The following ZNF831 variants were observed in gnomAD, a reference collection of about 807,000 sequenced individuals.
The protein encoded by ZNF831 is chromosome 20 open reading frame 174.
ZNF831 carries 59 observed loss-of-function variants against 95.8 expected under a neutral mutation model. That is an observed-to-expected ratio of 0.62 (90% CI 0.50 to 0.77). The LOEUF is 0.77. Ranked by LOEUF, ZNF831 falls within the 30% of genes least tolerant of loss-of-function variation. The probability of loss-of-function intolerance (pLI) is 0.00; values close to 1 mark genes in which losing one functional copy is unlikely to be tolerated. For missense variants in ZNF831, 2,205 were observed against 2,164.0 expected, an observed-to-expected ratio of 1.02 and a Z score of -0.38; for synonymous variants, 961 against 925.5, an observed-to-expected ratio of 1.04 and a Z score of -0.70.
chr20:59,155,912 G>A (rs1326637157), intron 2 of ZNF831, among the ~76,000 whole-genome samples: 2 of 151,970 alleles, frequency 1.3e-5, no homozygotes, highest in Non-Finnish European at 2.9e-5. Context: ...TCCACCCAAA[G>A]GTACATGATG....
At chr20:59,175,589 T>A (rs551618536) in intron 1 of ZNF831, among the ~76,000 whole-genome samples, 68 of 152,342 alleles carry the variant, frequency 4.5e-4, no homozygotes, top group African/African-American at 1.6e-3. Flanking sequence ...TCATTTCTAT[T>A]ATTTCCATGT....
chr20:59,254,315 G>T lies in ZNF831; in HGVS notation c.4606G>T (p.Glu1536Ter). 1 of 1,614,116 alleles carries T rather than the reference G, an allele frequency of 6.2e-7. No homozygotes were observed. Among genetic ancestry groups the T allele is most frequent in the Non-Finnish European group, 8.5e-7 (1 of 1,180,014 alleles). ...CTCCCCAGACAGCAAAGTCACAGAA[G>T]AGGGCAGAGCACAGACCCTCTTGCC... ...SSSPDSKVTEEGRAQTLLPGR... is the reference protein window; with the variant it reads ...SSSPDSKVTE Residue 1536 changes from glutamate (E) to a stop codon, truncating the protein, a stop_gained, in exon 6 of 6, where the codon GAG (glutamate) becomes TAG (stop). Transcript: ENST00000371030. LOFTEE classifies it low-confidence loss of function (END_TRUNC). The surrounding 1 kb of genome is among the most constrained non-coding windows in gnomAD (Gnocchi z 4.5).
chr20:59,192,345 G>T lies in ZNF831; in HGVS notation c.1326G>T (p.Leu442=). ...TGLSKQGSID[L]PTPYTYKDSF... Reference sequence around the variant, plus strand: ...TGTCCAAACAGGGCAGCATCGACCTGCCCACGCCCTACACCTACAAGGACT... The same window carrying T: ...TGTCCAAACAGGGCAGCATCGACCTTCCCACGCCCTACACCTACAAGGACT... The change falls in exon 2 of 6, where the codon CTG becomes CTT. Residue 442 remains leucine (L), a synonymous_variant. Coordinates refer to ENST00000371030, the MANE Select transcript of ZNF831 (RefSeq NM_178457.3). This position sits in a 1 kb window ranked among gnomAD's most constrained non-coding sequence, Gnocchi z 5.2. 1 of 1,609,062 alleles carries T rather than the reference G, an allele frequency of 6.2e-7. No individual in the cohort carries two copies. Among genetic ancestry groups the T allele is most frequent in the African/African-American group, 1.3e-5 (1 of 74,972 alleles).
chr20:59,253,237 C>T (rs1016597187), intron 5 of ZNF831, 99 bp downstream of exon 5: 7 of 1,343,688 alleles, frequency 5.2e-6, no homozygotes, highest in African/African-American at 2.9e-5. Flanking sequence ...AGAACTTGCT[C>T]GGATCACCTT....
intron 4 of ZNF831, among the ~76,000 whole-genome samples, chr20:59,226,669 C>T (rs1986451699): frequency 6.6e-6 from 1 of 150,498 alleles, no homozygotes; most frequent in East Asian, 1.9e-4. Flanking sequence ...TTGCCTCTGT[C>T]CCTTTAAATC....
chr20:59,149,655 T>A (rs1980105005), intron 2 of ZNF831, among the ~76,000 whole-genome samples: 2 of 152,224 alleles, frequency 1.3e-5, no homozygotes, highest in East Asian at 3.9e-4. Flanking sequence ...AGAGAGAGGC[T>A]GCAGAGCCCC....
At chr20:59,223,181 GA>G (rs1986211821) in intron 4 of ZNF831, among the ~76,000 whole-genome samples, 1 of 152,104 alleles carries the variant, frequency 6.6e-6, no homozygotes, top group African/African-American at 2.4e-5. Flanking sequence ...ACCAGGGTGA[GA>G]GATGGGGGTG....
rs750119062 is a variant in ZNF831 at position 59,253,030 on chromosome 20, T to G, written c.4080T>G (p.Cys1360Trp). The change falls in exon 5 of 6, where the codon TGT becomes TGG. Residue 1360 changes from cysteine (C) to tryptophan (W), a missense_variant. Transcript: ENST00000371030. The part of the protein sequence containing the change: ...PSCATSESPP[C>W]CGKEEKKEGD... Reference sequence around the variant, plus strand: ...GTGCCACCTCAGAATCACCTCCTTGTTGTGGGAAGGAAGAGAAGAAGGAAG... The same window carrying G: ...GTGCCACCTCAGAATCACCTCCTTGGTGTGGGAAGGAAGAGAAGAAGGAAG... 1 of 1,614,052 alleles carries G rather than the reference T, an allele frequency of 6.2e-7. No homozygotes were observed. Among genetic ancestry groups the G allele is most frequent in the Admixed American group, 1.7e-5 (1 of 60,020 alleles).
intron 2 of ZNF831, among the ~76,000 whole-genome samples, chr20:59,150,029 G>T (rs532778857): frequency 1.6e-4 from 25 of 152,366 alleles, no homozygotes; most frequent in African/African-American, 4.8e-4. Flanking sequence ...AGGAGCCCTA[G>T]AAACGGGCTC....
chr20:59,220,421 G>A (rs1367360913), intron 4 of ZNF831, among the ~76,000 whole-genome samples: 1 of 152,214 alleles, frequency 6.6e-6, no homozygotes, highest in Non-Finnish European at 1.5e-5. Flanking sequence ...AGATGAGCCT[G>A]TAGGATTAAT....
intron 1 of ZNF831, among the ~76,000 whole-genome samples, chr20:59,126,729 G>A (rs1979182937): frequency 6.6e-6 from 1 of 152,194 alleles, no homozygotes; most frequent in Admixed American, 6.5e-5. Context: ...GTCCGCATCA[G>A]CCACCTTGCA....
At chr20:59,222,032 G>A (rs1170678231) in intron 4 of ZNF831, among the ~76,000 whole-genome samples, 1 of 152,218 alleles carries the variant, frequency 6.6e-6, no homozygotes, top group African/African-American at 2.4e-5. Flanking sequence ...ATTGGAGTCT[G>A]AATCATAGTT....
rs1357133657 is a variant in ZNF831, at chr20:59,193,374, G to A, written c.2355G>A (p.Leu785=). 1.9e-6 allele frequency: 3 copies of A among 1,607,626 alleles called. No individual in the cohort carries two copies. Among genetic ancestry groups the A allele is most frequent in the Admixed American group, 1.7e-5 (1 of 59,356 alleles). The part of the protein sequence containing the change: ...APRPVWPDPK[L]EGGARGVGDV... ...GGCCAGTTTGGCCGGACCCCAAGCT[G>A]GAAGGAGGTGCCCGAGGTGTGGGGG... Residue 785 remains leucine, a synonymous_variant, in exon 2 of 6, where the codon CTG becomes CTA. Transcript: ENST00000371030.
At chr20:59,224,373 A>G (rs568607880) in intron 4 of ZNF831, among the ~76,000 whole-genome samples, 151 of 151,886 alleles carry the variant, frequency 9.9e-4, no homozygotes, top group Admixed American at 2.9e-3. Flanking sequence ...CCTGCACCCT[A>G]GGGCAGAAGA....
At chr20:59,189,049 C>T (rs182328298) in intron 1 of ZNF831, among the ~76,000 whole-genome samples, 22 of 151,572 alleles carry the variant, frequency 1.5e-4, no homozygotes, top group East Asian at 1.2e-3. Flanking sequence ...GGCATGGTGG[C>T]GCACACCTGT....
chr20:59,177,927 G>A (rs1296117161), intron 1 of ZNF831, among the ~76,000 whole-genome samples: 1 of 152,200 alleles, frequency 6.6e-6, no homozygotes, highest in Non-Finnish European at 1.5e-5. Flanking sequence ...ACAGAAAGGT[G>A]TGAAGAAGCG....
At chr20:59,184,707 A>G (rs776818508) in intron 1 of ZNF831, among the ~76,000 whole-genome samples, 2 of 152,292 alleles carry the variant, frequency 1.3e-5, no homozygotes, top group Non-Finnish European at 2.9e-5. Flanking sequence ...AACGTATCCA[A>G]TATGCTTCTC....
Position 59,192,130 on chromosome 20 carries a change from G to A in ZNF831, c.1111G>A (p.Ala371Thr), listed in dbSNP as rs569462392. 1.3e-6 allele frequency: 2 copies of A among 1,570,588 alleles called. No homozygotes were observed. The highest frequency in any genetic ancestry group is 1.7e-6 in the Non-Finnish European group (2 of 1,164,426). The stretch of plus-strand genomic sequence containing the variant: ...CCTGCACAGCCTTTCGGAGCACAGC[G>A]CCGAGTCCGAGGGGGAGGGCGGCCC... ...SPLHSLSEHS[A>T]ESEGEGGPGP... Residue 371 changes from alanine (A) to threonine (T), a missense_variant, in exon 2 of 6, where the codon GCC (alanine) becomes ACC (threonine). Coordinates refer to ENST00000371030, the MANE Select transcript of ZNF831 (RefSeq NM_178457.3). This position sits in a 1 kb window ranked among gnomAD's most constrained non-coding sequence, Gnocchi z 5.2.
intron 1 of ZNF831, among the ~76,000 whole-genome samples, chr20:59,141,750 A>G (rs1979686851): frequency 6.6e-6 from 1 of 152,222 alleles, no homozygotes; most frequent in African/African-American, 2.4e-5. Context: ...TTTTCTTTAA[A>G]TTGATGGTTA....
Sources: gnomAD v4.1 joint callset for allele counts (sites outside exome capture counted in the v4.1 genomes callset) on GRCh38, gnomAD v4.1.1 for gene constraint, Gnocchi (gnomAD v3.1) non-coding constraint, MANE v1.5 for transcripts, NCBI Gene and HGNC (gene_info 2026-07-23, HGNC 2026-07-21) for gene names.